The following NRK variants were observed in gnomAD, a reference collection of about 807,000 sequenced individuals.
The protein encoded by NRK is Nik related kinase, also known as nik-related protein kinase.
Under a neutral mutation model 125.2 loss-of-function variants are expected in NRK, and 67 were observed. The observed-to-expected ratio is 0.54, with a 90% confidence interval of 0.44 to 0.66. NRK has a LOEUF of 0.66. NRK is among the 30% of genes least tolerant of loss of function. The probability of loss-of-function intolerance (pLI) is 0.00; values close to 1 mark genes in which losing one functional copy is unlikely to be tolerated. For missense variants in NRK, 1,224 were observed against 1,192.9 expected, an observed-to-expected ratio of 1.03 and a Z score of -0.38; for synonymous variants, 458 against 429.0, an observed-to-expected ratio of 1.07 and a Z score of -0.84.
At chrX:105,899,281 A>G (rs2040125070) in intron 8 of NRK, among the ~76,000 whole-genome samples, 1 of 112,143 alleles carries the variant, frequency 8.9e-6, no homozygotes, top group East Asian at 2.8e-4. Context: ...ATATCCATGT[A>G]CACATTTCAA....
In NRK at chrX:105,949,567, A is replaced by G; in HGVS notation, c.4354-8A>G. 1.7e-6 allele frequency: 2 copies of G among 1,179,766 alleles called. No homozygotes were observed. The highest frequency in any genetic ancestry group is 3.5e-5 in the African/African-American group (2 of 56,930). On this transcript the variant is annotated splice_region_variant and splice_polypyrimidine_tract_variant and intron_variant, in intron 26 of 28. Transcript: ENST00000243300. ...GGACATATAAATCTTTATGAAACAT[A>G]ATTCCAGCCCCTGGAAATCATTATA...
Position 105,939,920 on chromosome X carries a change from C to A in NRK, c.3846C>A (p.Asn1282Lys), listed in dbSNP as rs778421031. 8.4e-7 allele frequency: 1 copy of A among 1,191,932 alleles called. No individual in the cohort carries two copies. Among genetic ancestry groups the A allele is most frequent in the Non-Finnish European group, 1.1e-6 (1 of 880,010 alleles). Residue 1282 changes from asparagine (N) to lysine (K), a missense_variant, in exon 23 of 29, where the codon AAC becomes AAA. By Grantham distance (94) the Asn-to-Lys change is moderately conservative. Coordinates refer to ENST00000243300, the MANE Select transcript of NRK (RefSeq NM_198465.4). The stretch of plus-strand genomic sequence containing the variant: ...TGTATCATCTGACCTGGTTGAGGAA[C>A]AAGATTTTGAATAATGATCCAGAAA... ...LRVYHLTWLRNKILNNDPESK... is the reference protein window; with the variant it reads ...LRVYHLTWLRKKILNNDPESK...
intron 2 of NRK, among the ~76,000 whole-genome samples, chrX:105,850,262 G>A (rs868236508): frequency 5.4e-5 from 6 of 112,046 alleles, no homozygotes; most frequent in East Asian, 2.8e-4. Flanking sequence ...TAGCTGGAGC[G>A]GCTGGGACAC....
chrX:105,932,175 G>A (rs1488610627), intron 19 of NRK, among the ~76,000 whole-genome samples: 1 of 111,135 alleles, frequency 9.0e-6, no homozygotes, highest in Non-Finnish European at 1.9e-5. Context: ...CCTTTTCAAG[G>A]GTGAATAATG....
chrX:105,842,475 A>G (rs906023813), intron 2 of NRK, among the ~76,000 whole-genome samples: 1 of 111,899 alleles, frequency 8.9e-6, no homozygotes, highest in African/African-American at 3.2e-5. Context: ...CCTGGAAAAG[A>G]GGGAAACAAC....
intron 16 of NRK, among the ~76,000 whole-genome samples, chrX:105,918,946 C>T (rs2040400564): frequency 1.0e-5 from 1 of 99,213 alleles, no homozygotes; most frequent in Non-Finnish European, 2.0e-5. Flanking sequence ...AGTGCACTCA[C>T]TTGAACTTAT....
Position 105,924,805 on chromosome X carries a change from G to T in NRK, c.3086G>T (p.Gly1029Val). ...AGCCATACAGCCAATAGAAGCCATG[G>T]AGGAAGTGCAGCCAGTGAGGACAAT... is the stretch of plus-strand genomic sequence containing the variant. ...YGSHTANRSH[G>V]GSAASEDNAA... Residue 1029 changes from glycine (G) to valine (V), a missense_variant, in exon 19 of 29, where the codon GGA becomes GTA. Coordinates refer to ENST00000243300, the MANE Select transcript of NRK (RefSeq NM_198465.4). 2 of 1,210,507 alleles carry T rather than the reference G, an allele frequency of 1.7e-6. No homozygotes were observed.
At chrX:105,860,571 C>T (rs2039589225) in intron 2 of NRK, among the ~76,000 whole-genome samples, 1 of 110,317 alleles carries the variant, frequency 9.1e-6, no homozygotes, top group Non-Finnish European at 1.9e-5. Flanking sequence ...CCCCAGGCCC[C>T]CTGCCCCCAG....
intron 26 of NRK, among the ~76,000 whole-genome samples, chrX:105,949,020 C>A (rs891803775): frequency 9.0e-6 from 1 of 111,183 alleles, no homozygotes; most frequent in African/African-American, 3.3e-5. Context: ...AAAAGAAATT[C>A]TAACTTTTTT....
At chrX:105,827,886 G>A (rs920612608) in intron 1 of NRK, among the ~76,000 whole-genome samples, 2 of 111,595 alleles carry the variant, frequency 1.8e-5, no homozygotes, top group African/African-American at 6.5e-5. Context: ...TCATAGATAC[G>A]AACATCTACC....
Position 105,898,699 on chromosome X carries a change from C to T in NRK, c.696C>T (p.Arg232=). 8.4e-7 allele frequency: 1 copy of T among 1,187,928 alleles called. No individual in the cohort carries two copies. Among genetic ancestry groups the T allele is most frequent in the Non-Finnish European group, 1.1e-6 (1 of 883,550 alleles). The change falls in exon 8 of 29, where the codon CGC becomes CGT. Residue 232 remains arginine, a synonymous_variant. Coordinates refer to ENST00000243300, the MANE Select transcript of NRK (RefSeq NM_198465.4). ...TTGACTGTGATGAGGACCCAAGACGCTCCTATGATTACAGAGTGAGTGTGA... is the reference window on the plus strand; with the variant it reads ...TTGACTGTGATGAGGACCCAAGACGTTCCTATGATTACAGAGTGAGTGTGA... ...EVIDCDEDPR[R]SYDYRSDVWS...
intron 19 of NRK, among the ~76,000 whole-genome samples, chrX:105,933,255 T>C (rs938974346): frequency 1.3e-4 from 14 of 111,187 alleles, no homozygotes; most frequent in African/African-American, 4.6e-4. Context: ...CCAACATAAG[T>C]TTCATAGCAA....
chrX:105,881,273 C>G (rs1157523770), intron 3 of NRK, among the ~76,000 whole-genome samples: 2 of 111,475 alleles, frequency 1.8e-5, no homozygotes, highest in African/African-American at 6.5e-5. Flanking sequence ...CCATGGCTTC[C>G]AAATAATCAA....
chrX:105,835,616 A>C (rs2039253166), intron 2 of NRK, among the ~76,000 whole-genome samples: 1 of 105,226 alleles, frequency 9.5e-6, no homozygotes, highest in African/African-American at 3.8e-5. Context: ...CCCTTCTCCC[A>C]AAATTGGAGG....
intron 10 of NRK, among the ~76,000 whole-genome samples, chrX:105,905,612 G>C (rs1367954533): frequency 8.9e-6 from 1 of 112,630 alleles, no homozygotes; most frequent in African/African-American, 3.2e-5. Context: ...CCCCAGTAAT[G>C]GGATGAACTG....
chrX:105,896,954 C>T (rs1277981691), intron 7 of NRK, among the ~76,000 whole-genome samples: 4 of 112,540 alleles, frequency 3.6e-5, no homozygotes, highest in Admixed American at 9.4e-5. Context: ...ACACTGTGTT[C>T]GCATATAGAG....
chrX:105,908,746 G>A lies in NRK; in HGVS notation c.1105G>A (p.Glu369Lys), dbSNP rs751406404. 8.3e-6 allele frequency: 10 copies of A among 1,198,551 alleles called. No individual in the cohort carries two copies. The highest frequency in any genetic ancestry group is 7.9e-6 in the Non-Finnish European group (7 of 887,407). ...TTTTAGAGGACCCTCTTGCACTCAC[G>A]AGCTTCTGAGATTGCCAACCAGCAG... Reference protein sequence around the residue: ...RRFRGPSCTHELLRLPTSSRC... With the variant: ...RRFRGPSCTHKLLRLPTSSRC... Residue 369 changes from glutamate to lysine, a missense_variant, in exon 13 of 29, where the codon GAG becomes AAG. Physicochemically the swap from Glu to Lys is moderately conservative, Grantham distance 56. Coordinates refer to ENST00000243300, the MANE Select transcript of NRK (RefSeq NM_198465.4).
intron 2 of NRK, among the ~76,000 whole-genome samples, chrX:105,866,028 A>C (rs934686548): frequency 9.1e-6 from 1 of 109,406 alleles, no homozygotes; most frequent in African/African-American, 3.3e-5. Flanking sequence ...AAAAAAAAAA[A>C]CATAAAAGTC....
intron 1 of NRK, among the ~76,000 whole-genome samples, chrX:105,829,449 A>C (rs2039157768): frequency 8.9e-6 from 1 of 112,355 alleles, no homozygotes; most frequent in Non-Finnish European, 1.9e-5. Flanking sequence ...AAGGTATGTG[A>C]ATTTCCAAGA....
Sources: gnomAD v4.1 joint callset for allele counts (sites outside exome capture counted in the v4.1 genomes callset) on GRCh38, gnomAD v4.1.1 for gene constraint, MANE v1.5 for transcripts, NCBI Gene and HGNC (gene_info 2026-07-23, HGNC 2026-07-21) for gene names.